The following SPATA31C2 variants were observed in gnomAD, a reference collection of about 807,000 sequenced individuals.
The protein encoded by SPATA31C2 is spermatogenesis-associated protein 31C2.
A neutral mutation model predicts 11.4 loss-of-function variants in SPATA31C2; 5 were observed. The observed-to-expected ratio is 0.44, with a 90% CI of 0.23 to 0.92. SPATA31C2 has a LOEUF of 0.92. Ranked by LOEUF, SPATA31C2 falls within the 40% of genes least tolerant of loss-of-function variation. The probability of loss-of-function intolerance (pLI) is 0.24; values close to 1 mark genes in which losing one functional copy is unlikely to be tolerated. For missense variants in SPATA31C2, 1,353 were observed against 1,368.6 expected (o/e 0.99, Z 0.18); for synonymous variants, 515 against 538.7 (o/e 0.96, Z 0.61).
At chr9:88,133,771 C>T in intron 1 of SPATA31C2, 102 bp from the exon 2 acceptor site, 2 of 1,541,560 alleles carry the variant, frequency 1.3e-6, no homozygotes, top group Non-Finnish European at 1.8e-6. Context: ...CTCTGTCTGT[C>T]TTGCTCAGGG....
intron 2 of SPATA31C2, 149 bp downstream of exon 2, chr9:88,133,445 G>C (rs1159925997): frequency 1.1e-5 from 13 of 1,137,778 alleles, no homozygotes; most frequent in East Asian, 3.9e-5. Flanking sequence ...GCTTCATTCC[G>C]GCGGCACAGA....
chr9:88,132,450 G>C lies in SPATA31C2; in HGVS notation c.587C>G (p.Ser196Cys), dbSNP rs573533990. Reference sequence around the variant, plus strand: ...GGGTGAGGGATGTTCTAGGAGAAGGGAAGGTTCTGGTGGCTGGGAGGCACT... The same window carrying C: ...GGGTGAGGGATGTTCTAGGAGAAGGCAAGGTTCTGGTGGCTGGGAGGCACT... ...SLSASQPPEPSLLLEHPSPEP... is the reference protein window; with the variant it reads ...SLSASQPPEPCLLLEHPSPEP... The change falls in exon 4 of 4, where the codon TCC (serine) becomes TGC (cysteine). Residue 196 changes from serine to cysteine, a missense_variant. Around this residue, in one of 6 missense-constraint regions of SPATA31C2, gnomAD observed 1,075 missense variants for 992.8 expected, o/e 1.08. Coordinates refer to ENST00000324915, the MANE Select transcript of SPATA31C2 (RefSeq NM_001350978.3). 3 of 1,611,348 alleles carry C rather than the reference G, an allele frequency of 1.9e-6. No individual in the cohort carries two copies. Among genetic ancestry groups the C allele is most frequent in the Admixed American group, 1.7e-5 (1 of 59,864 alleles).
chr9:88,133,543 C>A (rs923408217), intron 2 of SPATA31C2, 51 bp downstream of exon 2: 3 of 1,597,542 alleles, frequency 1.9e-6, no homozygotes, highest in Admixed American at 3.4e-5. Context: ...TCAGTTCCCT[C>A]CCGGACAGAT....
Position 88,131,470 on chromosome 9 carries a change from C to T in SPATA31C2, c.1567G>A (p.Glu523Lys). ...CCCCTGGATAGATTTTGTGGGGTCT[C>T]ACCCAGAATTTGCCCCAGATGTGGG... is the stretch of plus-strand genomic sequence containing the variant. ...PCPHLGQILG[E>K]TPQNLSRGME... is the part of the protein sequence containing the mutation. Residue 523 changes from glutamate to lysine, a missense_variant, in exon 4 of 4, where the codon GAG becomes AAG. Physicochemically the swap from Glu to Lys is moderately conservative, Grantham distance 56. Around this residue, in one of 6 missense-constraint regions of SPATA31C2, gnomAD observed 1,075 missense variants for 992.8 expected, o/e 1.08. Coordinates refer to ENST00000324915, the MANE Select transcript of SPATA31C2 (RefSeq NM_001350978.3). 6.2e-7 allele frequency: 1 copy of T among 1,611,912 alleles called. No homozygotes were observed. The highest frequency in any genetic ancestry group is 8.5e-7 in the Non-Finnish European group (1 of 1,179,838).
rs778858044 is a variant in SPATA31C2 at position 88,133,629 on chromosome 9, C to T, written c.230G>A (p.Arg77Lys). Residue 77 changes from arginine (R) to lysine (K), a missense_variant, in exon 2 of 4, where the codon AGG becomes AAG. Physicochemically the swap from Arg to Lys is conservative, Grantham distance 26. Around this residue, in one of 6 missense-constraint regions of SPATA31C2, gnomAD observed 67 missense variants for 41.4 expected, o/e 1.62. Transcript: ENST00000324915. Reference protein sequence around the residue: ...VSQRPAGRRGRPRGRMKNHSL... With the variant: ...VSQRPAGRRGKPRGRMKNHSL... ...GTGGTTTTTCATCCTGCCTCTGGGC[C>T]TCCCCCTCCGCCCTGCTGGACGCTG... 8.2e-6 allele frequency: 13 copies of T among 1,583,020 alleles called. No individual in the cohort carries two copies. Among genetic ancestry groups the T allele is most frequent in the Non-Finnish European group, 1.0e-5 (12 of 1,163,028 alleles).
chr9:88,129,998 G>C lies in SPATA31C2; in HGVS notation c.3039C>G (p.Ile1013Met), dbSNP rs763068234. 1.9e-6 allele frequency: 3 copies of C among 1,608,880 alleles called. No homozygotes were observed. Among genetic ancestry groups the C allele is most frequent in the Non-Finnish European group, 2.5e-6 (3 of 1,176,628 alleles). ...PPSISHFGEN[I>M]KQFFQTIFSK... ...AAAAAATCGTCTGAAAAAATTGCTT[G>C]ATGTTTTCTCCAAAGTGGCTTATTG... Residue 1013 changes from isoleucine (I) to methionine (M), a missense_variant, in exon 4 of 4, where the codon ATC becomes ATG. By Grantham distance (10) the Ile-to-Met change is conservative. Coordinates refer to ENST00000324915, the MANE Select transcript of SPATA31C2 (RefSeq NM_001350978.3).
Position 88,132,529 on chromosome 9 carries a change from C to A in SPATA31C2, c.508G>T (p.Asp170Tyr). 3.1e-6 allele frequency: 5 copies of A among 1,610,648 alleles called. No individual in the cohort carries two copies. The highest frequency in any genetic ancestry group is 4.2e-6 in the Non-Finnish European group (5 of 1,177,850). Residue 170 changes from aspartate to tyrosine, a missense_variant, in exon 4 of 4, where the codon GAT becomes TAT. Transcript: ENST00000324915. ...CCTGGTGGTGGGGTGGAGGCCAGAT[C>A]CTGAGGATGCTTGGTTCGAGGATCC... is the stretch of plus-strand genomic sequence containing the variant. ...SPDPRTKHPQ[D>Y]LASTPPPGPM... is the part of the protein sequence containing the mutation.
In SPATA31C2 at chr9:88,129,665, A is replaced by G. The variant is rs1219556764; in HGVS notation, c.3372T>C (p.Arg1124=). 19 of 1,603,506 alleles carry G rather than the reference A, an allele frequency of 1.2e-5. No individual in the cohort carries two copies. Among genetic ancestry groups the G allele is most frequent in the Non-Finnish European group, 1.6e-5 (19 of 1,173,220 alleles). Residue 1124 remains arginine (R), a synonymous_variant, in exon 4 of 4, where the codon CGT becomes CGC. Coordinates refer to ENST00000324915, the MANE Select transcript of SPATA31C2 (RefSeq NM_001350978.3). ...SQQATLKNQS[R]PNRDRQIRDQ Reference sequence around the variant, plus strand: ...CTCTGATTTGTCTGTCTCTGTTGGGACGACTCTGGTTCTTGAGAGTGGCTT... The same window carrying G: ...CTCTGATTTGTCTGTCTCTGTTGGGGCGACTCTGGTTCTTGAGAGTGGCTT...
chr9:88,133,113 G>A, intron 2 of SPATA31C2, 87 bp from the exon 3 acceptor site: 3 of 1,057,224 alleles, frequency 2.8e-6, no homozygotes, highest in Non-Finnish European at 3.7e-6. Flanking sequence ...GGAAGACCAT[G>A]GGGAATTAGA....
At chr9:88,133,756 C>T in intron 1 of SPATA31C2, 87 bp from the exon 2 acceptor site, 1 of 1,573,524 alleles carries the variant, frequency 6.4e-7, no homozygotes, top group Non-Finnish European at 8.7e-7. Flanking sequence ...TCATGAACCG[C>T]ATGGCTCTGT....
At position 88,130,927 on chromosome 9, in the gene SPATA31C2, C is replaced by T. The variant is rs1439006068; in HGVS notation, c.2110G>A (p.Ala704Thr). Reference sequence around the variant, plus strand: ...ATTGGTGGCTCTCCAAGGAACGTGGCCACCTCAACTTTTGAGCCAGCCCCA... The same window carrying T: ...ATTGGTGGCTCTCCAAGGAACGTGGTCACCTCAACTTTTGAGCCAGCCCCA... ...ESGAGSKVEV[A>T]TFLGEPPMAS... Residue 704 changes from alanine (A) to threonine (T), a missense_variant, in exon 4 of 4, where the codon GCC becomes ACC. Ala to Thr is a moderately conservative substitution (Grantham distance 58). This residue lies in a region of SPATA31C2 where 1,075 missense variants were observed against 992.8 expected (regional missense o/e 1.08). Coordinates refer to ENST00000324915, the MANE Select transcript of SPATA31C2 (RefSeq NM_001350978.3). 5 of 1,613,534 alleles carry T rather than the reference C, an allele frequency of 3.1e-6. No homozygotes were observed. Among genetic ancestry groups the T allele is most frequent in the Non-Finnish European group, 4.2e-6 (5 of 1,179,888 alleles).
At chr9:88,136,736 C>A (rs2118729577) in intron 1 of SPATA31C2, among the ~76,000 whole-genome samples, 1 of 136,024 alleles carries the variant, frequency 7.4e-6, no homozygotes, top group African/African-American at 2.8e-5. Context: ...CCATTGGTAT[C>A]TAATTGGTTT....
chr9:88,137,489 G>A (rs1420949141), intron 1 of SPATA31C2, among the ~76,000 whole-genome samples: 1 of 144,174 alleles, frequency 6.9e-6, no homozygotes, highest in Non-Finnish European at 1.5e-5. Context: ...AGGCGTGGTG[G>A]CGGGCGCCTG....
In SPATA31C2 at chr9:88,132,306, G is replaced by A. The variant is rs1825612581; in HGVS notation, c.731C>T (p.Ser244Phe). Residue 244 changes from serine (S) to phenylalanine (F), a missense_variant, in exon 4 of 4, where the codon TCT becomes TTT. This residue lies in a region of SPATA31C2 where 1,075 missense variants were observed against 992.8 expected (regional missense o/e 1.08). Coordinates refer to ENST00000324915, the MANE Select transcript of SPATA31C2 (RefSeq NM_001350978.3). The stretch of plus-strand genomic sequence containing the variant: ...TGGAAGTGCCACTGAGTCACAGTGA[G>A]ATGGTGTTAACAGAGTGGAGTCCCG... The part of the protein sequence containing the change: ...PLRDSTLLTP[S>F]HCDSVALPLD... 1 of 1,610,930 alleles carries A rather than the reference G, an allele frequency of 6.2e-7. No individual in the cohort carries two copies. The highest frequency in any genetic ancestry group is 8.5e-7 in the Non-Finnish European group (1 of 1,177,784).
At chr9:88,137,254 T>C (rs1193646091) in intron 1 of SPATA31C2, among the ~76,000 whole-genome samples, 2 of 149,024 alleles carry the variant, frequency 1.3e-5, no homozygotes, top group Non-Finnish European at 3.0e-5. Context: ...ATCGGTTCAA[T>C]AGTACAGTGG....
chr9:88,129,619 C>T lies in SPATA31C2; in HGVS notation c.*13G>A, dbSNP rs759396915. The T allele has an allele frequency of 1.0e-5, 16 of 1,602,570 alleles. No homozygotes were observed. The South Asian group carries it at 1.8e-4, about 18-fold the overall frequency. ...CCCCATTGCTCATTGTTGCACCGGA[C>T]ACTTTTCAAGGGCTACTGATCTCTG... On this transcript the variant is annotated 3_prime_UTR_variant, in exon 4 of 4. Coordinates refer to ENST00000324915, the MANE Select transcript of SPATA31C2 (RefSeq NM_001350978.3).
Position 88,130,448 on chromosome 9 carries a change from C to T in SPATA31C2, c.2589G>A (p.Lys863=), listed in dbSNP as rs1395903733. 1.2e-6 allele frequency: 2 copies of T among 1,613,298 alleles called. No individual in the cohort carries two copies. Among genetic ancestry groups the T allele is most frequent in the Non-Finnish European group, 1.7e-6 (2 of 1,179,516 alleles). ...GAGGCTGGGTCTCTGACTTCGTGGC[C>T]TTTCCAGGCTCAAATTCACTAACAG... ...EEAVSEFEPG[K]ATKSETQPQV... is the part of the protein sequence containing the mutation. Residue 863 remains lysine, a synonymous_variant, in exon 4 of 4, where the codon AAG becomes AAA. Coordinates refer to ENST00000324915, the MANE Select transcript of SPATA31C2 (RefSeq NM_001350978.3).
At position 88,129,828 on chromosome 9, in the gene SPATA31C2, C is replaced by G. The variant is rs747015579; in HGVS notation, c.3209G>C (p.Cys1070Ser). Residue 1070 changes from cysteine (C) to serine (S), a missense_variant, in exon 4 of 4, where the codon TGC becomes TCC. By Grantham distance (112) the Cys-to-Ser change is moderately radical. Around this residue, in one of 6 missense-constraint regions of SPATA31C2, gnomAD observed 187 missense variants for 205.8 expected, o/e 0.91. Coordinates refer to ENST00000324915, the MANE Select transcript of SPATA31C2 (RefSeq NM_001350978.3). ...TACCTTCGAGGCATGGCGCGCATGG[C>G]AAAGTGACATGTTCTCCTCCAGTAT... ...GQILEENMSL[C>S]HARHASKVNQ... 6.9e-6 allele frequency: 11 copies of G among 1,604,648 alleles called. No homozygotes were observed. Among genetic ancestry groups the G allele is most frequent in the Middle Eastern group, 1.7e-4 (1 of 5,982 alleles).
rs1407923875 is a variant in SPATA31C2, at chr9:88,137,120, A to G, written c.189+1138T>C. 1.3e-4 allele frequency among the ~76,000 whole-genome samples: 18 copies of G among 140,340 alleles called. No homozygotes were observed. In the East Asian group the frequency reaches 2.5e-3, roughly 20 times the overall value. The allele number at this position is 140,340 out of a possible 152,430, so 92.1% of individuals were successfully genotyped here. On this transcript the variant is annotated intron_variant, in intron 1 of 3. Transcript: ENST00000324915. ...TCTACCCAATTTTTTAACTTTTTAC[A>G]TAGCTACAGAAATCAAGACAGTGTG...
Sources: allele counts gnomAD v4.1 joint callset (sites outside exome capture counted in the v4.1 genomes callset), GRCh38; gene constraint gnomAD v4.1.1; regional missense constraint gnomAD v4.1.1; transcripts MANE v1.5; gene names NCBI Gene and HGNC (gene_info 2026-07-23, HGNC 2026-07-21).